SNCAIP: variants seen among roughly 807,000 people sequenced by gnomAD.
SNCAIP encodes synphilin-1.
Under a neutral mutation model 86.7 loss-of-function variants are expected in SNCAIP, and 43 were observed. The ratio of observed to expected loss-of-function variants is 0.50; its 90% CI spans 0.39 to 0.64. The LOEUF is 0.64. SNCAIP is among the 30% of genes least tolerant of loss of function. The probability of loss-of-function intolerance (pLI) is 0.00; values close to 1 mark genes in which losing one functional copy is unlikely to be tolerated. For missense variants in SNCAIP, 981 were observed against 1,103.1 expected (o/e 0.89, Z 1.57); for synonymous variants, 417 against 427.2 (o/e 0.98, Z 0.29).
chr5:122,350,031 T>A (rs1242022276), intron 1 of SNCAIP, among the ~76,000 whole-genome samples: 1 of 152,210 alleles, frequency 6.6e-6, no homozygotes, highest in Admixed American at 6.5e-5. Flanking sequence ...CAAGTTCTTA[T>A]GAAGTTAGGG....
chr5:122,328,303 T>C (rs950888279), intron 1 of SNCAIP, among the ~76,000 whole-genome samples: 4 of 152,248 alleles, frequency 2.6e-5, no homozygotes, highest in African/African-American at 9.6e-5. Flanking sequence ...AGATCCTCTT[T>C]GTCTTCTGGC....
intron 3 of SNCAIP, among the ~76,000 whole-genome samples, chr5:122,414,050 C>T (rs1257365296): frequency 6.6e-6 from 1 of 152,080 alleles, no homozygotes; most frequent in African/African-American, 2.4e-5. Flanking sequence ...GATGAAACTA[C>T]AGGAGCAAGC....
chr5:122,321,097 A>G (rs1018196206), intron 1 of SNCAIP, among the ~76,000 whole-genome samples: 2 of 152,202 alleles, frequency 1.3e-5, no homozygotes, highest in Admixed American at 6.5e-5. Flanking sequence ...ATGTAATAGG[A>G]TCCATGAATG....
At chr5:122,425,913 G>A (rs1011427061) in intron 5 of SNCAIP, among the ~76,000 whole-genome samples, 7 of 152,180 alleles carry the variant, frequency 4.6e-5, no homozygotes, top group Non-Finnish European at 8.8e-5. Flanking sequence ...GCTAGCACTC[G>A]GGAGTATTTC....
intron 1 of SNCAIP, among the ~76,000 whole-genome samples, chr5:122,356,589 ACTGCCT>A (rs1279410483): frequency 1.3e-5 from 2 of 152,152 alleles, no homozygotes; most frequent in Non-Finnish European, 2.9e-5. Flanking sequence ...TCCTGGTTTG[ACTGCCT>A]CTGGGAATTT....
intron 5 of SNCAIP, among the ~76,000 whole-genome samples, chr5:122,426,780 C>T (rs1487603112): frequency 3.3e-5 from 5 of 152,178 alleles, no homozygotes; most frequent in Admixed American, 3.3e-4. Flanking sequence ...AACTAAACTA[C>T]AGGCAGCTAT....
chr5:122,336,125 A>G (rs1756396034), intron 1 of SNCAIP, among the ~76,000 whole-genome samples: 2 of 152,240 alleles, frequency 1.3e-5, no homozygotes, highest in South Asian at 2.1e-4. Flanking sequence ...AATTATTTAA[A>G]TAAGCCTATT....
chr5:122,395,363 T>A (rs971316112), intron 2 of SNCAIP, among the ~76,000 whole-genome samples: 1 of 152,160 alleles, frequency 6.6e-6, no homozygotes, highest in Non-Finnish European at 1.5e-5. Context: ...TTCTGTTGCC[T>A]TTCTGTATAA....
intron 1 of SNCAIP, among the ~76,000 whole-genome samples, chr5:122,375,825 G>T (rs1765195662): frequency 6.6e-6 from 1 of 152,076 alleles, no homozygotes; most frequent in Non-Finnish European, 1.5e-5. Context: ...TGAGTCCACT[G>T]AGGCAGCTTA....
intron 1 of SNCAIP, among the ~76,000 whole-genome samples, chr5:122,315,766 T>A (rs1009395930): frequency 7.2e-5 from 11 of 151,984 alleles, no homozygotes; most frequent in African/African-American, 2.7e-4. Context: ...CTGACAGTGG[T>A]GTTGGGATGG....
At chr5:122,376,816 T>A (rs1218334575) in intron 1 of SNCAIP, among the ~76,000 whole-genome samples, 1 of 152,062 alleles carries the variant, frequency 6.6e-6, no homozygotes, top group Non-Finnish European at 1.5e-5. Context: ...TCTGAAAAGG[T>A]GTAAAATTGG....
rs879534181 is a variant in SNCAIP, at chr5:122,377,544, AT to A, written c.-46-13537del. ...AGAAAGAAAGAAAGAGAGATCAGAT[AT>A]TTTTTTTATATACTTTAAGTTTTAG... On this transcript the variant is annotated intron_variant, in intron 1 of 10. Transcript: ENST00000261368. Among the ~76,000 whole-genome samples the A allele has an allele frequency of 3.6e-3, 405 of 113,766 alleles. 1 individual carries two copies. The highest frequency in any genetic ancestry group is 5.7e-3 in the Non-Finnish European group (295 of 51,848). 74.6% of individuals were successfully genotyped at this position (113,766 alleles called of 152,430 possible).
intron 1 of SNCAIP, among the ~76,000 whole-genome samples, chr5:122,351,909 C>T (rs1247862158): frequency 6.6e-6 from 1 of 152,014 alleles, no homozygotes; most frequent in African/African-American, 2.4e-5. Flanking sequence ...TCTTGTTTTC[C>T]AAAAAAGCAG....
At chr5:122,438,894 C>T (rs17149189) in intron 6 of SNCAIP, among the ~76,000 whole-genome samples, 1 of 152,136 alleles carries the variant, frequency 6.6e-6, no homozygotes, top group African/African-American at 2.4e-5. Context: ...TTTGTTCTGC[C>T]TATGGTGGGT....
chr5:122,409,184 A>G lies in SNCAIP; in HGVS notation c.130+5319A>G, dbSNP rs114251527. Reference sequence around the variant, plus strand: ...TACTCATGTGGGAAAAGAGGACACCACAAGGCAGTGAATGTTAATTCTTCT... The same window carrying G: ...TACTCATGTGGGAAAAGAGGACACCGCAAGGCAGTGAATGTTAATTCTTCT... On this transcript the variant is annotated intron_variant, in intron 3 of 10. Coordinates refer to ENST00000261368, the MANE Select transcript of SNCAIP (RefSeq NM_005460.4). 4.7e-3 allele frequency among the ~76,000 whole-genome samples: 717 copies of G among 152,368 alleles called. 6 individuals are homozygous for G. Among genetic ancestry groups the G allele is most frequent in the African/African-American group, 0.016 (686 of 41,584 alleles).
chr5:122,405,738 T>A (rs971597305), intron 3 of SNCAIP, among the ~76,000 whole-genome samples: 4 of 152,238 alleles, frequency 2.6e-5, no homozygotes, highest in Non-Finnish European at 5.9e-5. Context: ...GTTTAAATTA[T>A]TTTTTCCGTT....
rs114119275 is a variant in SNCAIP, at chr5:122,446,373, C to T, written c.1592+1641C>T. On this transcript the variant is annotated intron_variant, in intron 8 of 10. Transcript: ENST00000261368. Reference sequence around the variant, plus strand: ...CAAAGGAATGTTTTTTCTAAAGGTTCATACTCAGAGAAGGGAATCACAAAA... The same window carrying T: ...CAAAGGAATGTTTTTTCTAAAGGTTTATACTCAGAGAAGGGAATCACAAAA... 5.6e-3 allele frequency among the ~76,000 whole-genome samples: 853 copies of T among 152,306 alleles called. 8 individuals carry two copies. The highest frequency in any genetic ancestry group is 0.02 in the African/African-American group (818 of 41,562).
chr5:122,356,388 G>A (rs1170076714), intron 1 of SNCAIP, among the ~76,000 whole-genome samples: 2 of 152,062 alleles, frequency 1.3e-5, no homozygotes, highest in Admixed American at 1.3e-4. Context: ...AAAGTGTTGG[G>A]ATGTAGGCAT....
chr5:122,383,927 T>G (rs1767534847), intron 1 of SNCAIP, among the ~76,000 whole-genome samples: 1 of 152,214 alleles, frequency 6.6e-6, no homozygotes, highest in African/African-American at 2.4e-5. Context: ...TATGTTGTCT[T>G]ATAGACTAGT....
Sources: allele counts gnomAD v4.1 joint callset (sites outside exome capture counted in the v4.1 genomes callset), GRCh38; gene constraint gnomAD v4.1.1; transcripts MANE v1.5; gene names NCBI Gene and HGNC (gene_info 2026-07-23, HGNC 2026-07-21).